Variants in UBE2K observed in about 807,000 individuals in gnomAD.
UBE2K encodes ubiquitin conjugating enzyme E2 K.
In UBE2K, 6 loss-of-function variants were observed where a neutral mutation model predicts 30.0. The ratio of observed to expected loss-of-function variants is 0.20; its 90% CI spans 0.11 to 0.39. The LOEUF (loss-of-function observed/expected upper bound fraction) is 0.39. Among genes scored for constraint, UBE2K ranks in the 10% least tolerant of loss-of-function variants. The pLI, the probability that UBE2K is intolerant of heterozygous loss-of-function variation, is 1.00. For synonymous variants in UBE2K, 86 were observed against 83.7 expected (o/e 1.03, Z -0.15); for missense variants, 61 against 241.6 (o/e 0.25, Z 4.96).
chr4:39,708,024 GA>G (rs1363467122), intron 1 of UBE2K, among the ~76,000 whole-genome samples: 12 of 151,870 alleles, frequency 7.9e-5, no homozygotes, highest in Admixed American at 7.2e-4. Context: ...AGTCTCCCGA[GA>G]AGCTGGGATT....
chr4:39,741,668 T>C (rs898280567), intron 2 of UBE2K, among the ~76,000 whole-genome samples: 12 of 152,206 alleles, frequency 7.9e-5, no homozygotes, highest in Non-Finnish European at 1.5e-5. Context: ...AATGCCATAT[T>C]GTGGATGTTA....
chr4:39,702,453 C>A (rs1194651437), intron 1 of UBE2K, among the ~76,000 whole-genome samples: 1 of 151,776 alleles, frequency 6.6e-6, no homozygotes, highest in Non-Finnish European at 1.5e-5. Flanking sequence ...GAGGTTTCTC[C>A]ATGTTGGTCA....
At position 39,714,544 on chromosome 4, in the gene UBE2K, A is replaced by AT. The variant is rs1337587267; in HGVS notation, c.63+16155dup. ...TATATATATATATATATATATATAT[A>AT]TATATATTTTTTTTTTTTTTTAAGA... is the stretch of plus-strand genomic sequence containing the variant. On this transcript the variant is annotated intron_variant, in intron 1 of 6. Transcript: ENST00000261427. 69 of 21,058 alleles carry AT rather than the reference A, an allele frequency of 3.3e-3. 5 individuals carry two copies. Among genetic ancestry groups the AT allele is most frequent in the African/African-American group, 0.017 (43 of 2,486 alleles). 1.3% of individuals were successfully genotyped at this position (21,058 alleles called of 1,614,324 possible).
At chr4:39,771,165 G>C in intron 4 of UBE2K, 1 of 1,612,896 alleles carries the variant, frequency 6.2e-7, no homozygotes, top group South Asian at 1.1e-5. Flanking sequence ...ATTCCAGGGT[G>C]CCCGTGTAGC....
At chr4:39,755,306 C>A (rs1477332062) in intron 3 of UBE2K, among the ~76,000 whole-genome samples, 2 of 152,164 alleles carry the variant, frequency 1.3e-5, no homozygotes, top group Non-Finnish European at 2.9e-5. Context: ...GTGCCATTTA[C>A]TATTTATGTT....
chr4:39,711,610 T>G (rs1406330973), intron 1 of UBE2K, among the ~76,000 whole-genome samples: 1 of 152,092 alleles, frequency 6.6e-6, no homozygotes, highest in Non-Finnish European at 1.5e-5. Context: ...CTGGACATTT[T>G]TATAATTTTT....
chr4:39,770,312 A>G (rs1438716050), intron 4 of UBE2K: 16 of 1,612,428 alleles, frequency 9.9e-6, no homozygotes, highest in Non-Finnish European at 1.4e-5. Context: ...GTGACTTGAC[A>G]CCACGATGCA....
chr4:39,718,916 G>C (rs950608415), intron 1 of UBE2K, among the ~76,000 whole-genome samples: 2 of 152,262 alleles, frequency 1.3e-5, no homozygotes, highest in African/African-American at 4.8e-5. Flanking sequence ...GAGGGAGCTG[G>C]CTCCGGCCTC....
rs1358091554 is a variant in UBE2K, at chr4:39,734,337, A to G, written c.64-3083A>G. ...TCAGTGATCTGCCTTGGCCTCCCAAACTGTTGGGATTACAGGCACGAGCCA... is the reference window on the plus strand; with the variant it reads ...TCAGTGATCTGCCTTGGCCTCCCAAGCTGTTGGGATTACAGGCACGAGCCA... On this transcript the variant is annotated intron_variant, in intron 1 of 6. Coordinates refer to ENST00000261427, the MANE Select transcript of UBE2K (RefSeq NM_005339.5). 2.0e-5 allele frequency among the ~76,000 whole-genome samples: 3 copies of G among 152,080 alleles called. 1 individual carries two copies. In the East Asian group the frequency reaches 5.8e-4, roughly 29 times the overall value.
intron 1 of UBE2K, among the ~76,000 whole-genome samples, chr4:39,722,462 A>G (rs1719477114): frequency 6.6e-6 from 1 of 152,162 alleles, no homozygotes; most frequent in Non-Finnish European, 1.5e-5. Context: ...TTCTTTGTAA[A>G]GGTACATTTT....
At chr4:39,768,257 G>A (rs1160643885) in intron 4 of UBE2K, among the ~76,000 whole-genome samples, 1 of 134,026 alleles carries the variant, frequency 7.5e-6, no homozygotes, top group Non-Finnish European at 1.6e-5. Flanking sequence ...TGGCCAACAC[G>A]GTAAAACCCC....
Position 39,778,759 on chromosome 4 carries a change from A to T in UBE2K, c.*325A>T, listed in dbSNP as rs556460087. 5.3e-6 allele frequency: 1 copy of T among 190,416 alleles called. No homozygotes were observed. Among genetic ancestry groups the T allele is most frequent in the African/African-American group, 2.4e-5 (1 of 42,410 alleles). The allele number at this position is 190,416 out of a possible 1,614,324, so 11.8% of individuals were successfully genotyped here. A position where few individuals can be genotyped will look rare whatever the true frequency, so the allele number is the denominator to read the frequency against. ...AAGACTAGCAAGAGTTTGCTTCAGG[A>T]TTTTGTTGAATAATTAAGATAATAT... is the stretch of plus-strand genomic sequence containing the variant. On this transcript the variant is annotated 3_prime_UTR_variant, in exon 7 of 7. Transcript: ENST00000261427.
chr4:39,725,024 T>G (rs1719665213), intron 1 of UBE2K, among the ~76,000 whole-genome samples: 1 of 151,632 alleles, frequency 6.6e-6, no homozygotes, highest in African/African-American at 2.4e-5. Context: ...TCTTTTTTAG[T>G]TTTTTAATTC....
chr4:39,743,465 G>C (rs999099042), intron 2 of UBE2K, among the ~76,000 whole-genome samples: 1 of 152,180 alleles, frequency 6.6e-6, no homozygotes, highest in Non-Finnish European at 1.5e-5. Context: ...TTAGTCGGGC[G>C]TGGTGACGGG....
chr4:39,735,133 T>A (rs1310034894), intron 1 of UBE2K, among the ~76,000 whole-genome samples: 1 of 152,248 alleles, frequency 6.6e-6, no homozygotes, highest in East Asian at 1.9e-4. Flanking sequence ...ACTGGCTTCT[T>A]AAATTGGTCA....
chr4:39,737,623 G>T, intron 2 of UBE2K, 110 bp downstream of exon 2: 1 of 677,514 alleles, frequency 1.5e-6, no homozygotes. Context: ...AACTTCATTT[G>T]GTTTAGATAA....
intron 2 of UBE2K, among the ~76,000 whole-genome samples, chr4:39,743,847 G>GTTTCC (rs1720837211): frequency 6.6e-6 from 1 of 151,832 alleles, no homozygotes; most frequent in South Asian, 2.1e-4. Context: ...CCCCTTCAGT[G>GTTTCC]TTTTCTTTTC....
intron 3 of UBE2K, among the ~76,000 whole-genome samples, chr4:39,755,440 G>A (rs1007555202): frequency 2.0e-5 from 3 of 152,122 alleles, no homozygotes; most frequent in Non-Finnish European, 2.9e-5. Flanking sequence ...TTTAAAGGCG[G>A]AACATTTATT....
chr4:39,771,498 T>G, intron 4 of UBE2K: 1 of 1,468,592 alleles, frequency 6.8e-7, no homozygotes, highest in Non-Finnish European at 9.0e-7. Flanking sequence ...ATCCCCTATT[T>G]TCCCCACCCC....
Sources: allele counts gnomAD v4.1 joint callset (sites outside exome capture counted in the v4.1 genomes callset), GRCh38; gene constraint gnomAD v4.1.1; transcripts MANE v1.5; gene names NCBI Gene and HGNC (gene_info 2026-07-23, HGNC 2026-07-21).